Variants in VPS13C observed in about 807,000 individuals in gnomAD.
VPS13C encodes intermembrane lipid transfer protein VPS13C.
Under a neutral mutation model 456.8 loss-of-function variants are expected in VPS13C, and 358 were observed. That is an observed-to-expected ratio of 0.78 (90% CI 0.72 to 0.86). The LOEUF (loss-of-function observed/expected upper bound fraction) is 0.86, where lower values mean the gene tolerates loss of function less well. Among genes scored for constraint, VPS13C ranks in the 40% least tolerant of loss-of-function variants. The pLI, the probability that VPS13C is intolerant of heterozygous loss-of-function variation, is 0.00. For synonymous variants in VPS13C, 1,578 were observed against 1,486.7 expected (o/e 1.06, Z -1.41); for missense variants, 4,818 against 4,385.4 (o/e 1.10, Z -2.79).
intron 52 of VPS13C, 140 bp from the exon 53 acceptor site, chr15:61,925,688 A>G: frequency 2.1e-6 from 1 of 476,976 alleles, no homozygotes; most frequent in Non-Finnish European, 3.5e-6. Context: ...GCAAAAATAA[A>G]TTAGCTGAGA....
chr15:61,997,165 A>T (rs1195852612), intron 16 of VPS13C, among the ~76,000 whole-genome samples: 2 of 152,134 alleles, frequency 1.3e-5, no homozygotes, highest in Non-Finnish European at 2.9e-5. Context: ...TATCTTAGTT[A>T]AAAAATCAGG....
In VPS13C at chr15:61,939,451, T is replaced by C. The variant is rs541891582; in HGVS notation, c.5601+1196A>G. 2.6e-5 allele frequency among the ~76,000 whole-genome samples: 4 copies of C among 152,354 alleles called. No individual in the cohort carries two copies. The South Asian group carries it at 8.3e-4, about 32-fold the overall frequency. ...CTTCCCTAGTAAAACTCTGCTCCTT[T>C]GATCCTTCCTATTTCATGTTAGAAC... On this transcript the variant is annotated intron_variant, in intron 47 of 84. Transcript: ENST00000644861.
rs1367889743 is a variant in VPS13C, at chr15:61,936,551, T to G, written c.5755+46A>C. The G allele has an allele frequency of 2.0e-6, 3 of 1,486,576 alleles. No individual in the cohort carries two copies. In the Admixed American group the frequency reaches 7.0e-5, roughly 35 times the overall value. 92.1% of individuals were successfully genotyped at this position (1,486,576 alleles called of 1,614,324 possible). On this transcript the variant is annotated intron_variant, in intron 48 of 84. Coordinates refer to ENST00000644861, the MANE Select transcript of VPS13C (RefSeq NM_020821.3). ...AAAAATACTAAATATAAATATGACATTAACACCAATTTTTTCTCCATAAAG... is the reference window on the plus strand; with the variant it reads ...AAAAATACTAAATATAAATATGACAGTAACACCAATTTTTTCTCCATAAAG...
At chr15:61,913,943 T>C (rs1035709217) in intron 61 of VPS13C, among the ~76,000 whole-genome samples, 24 of 152,070 alleles carry the variant, frequency 1.6e-4, no homozygotes, top group African/African-American at 5.8e-4. Flanking sequence ...CAAGACTCAA[T>C]GGGATAAGAA....
chr15:61,931,405 G>C (rs1480429711), intron 49 of VPS13C, 146 bp from the exon 50 acceptor site: 3 of 761,038 alleles, frequency 3.9e-6, no homozygotes, highest in East Asian at 5.6e-5. Context: ...GAATGGAACA[G>C]AGAATAATAT....
intron 16 of VPS13C, among the ~76,000 whole-genome samples, chr15:61,996,160 G>T (rs1277575568): frequency 6.6e-6 from 1 of 152,172 alleles, no homozygotes; most frequent in African/African-American, 2.4e-5. Context: ...CTTCACATAT[G>T]TGAAACTAAC....
intron 59 of VPS13C, 53 bp downstream of exon 59, chr15:61,918,083 A>C: frequency 1.3e-6 from 2 of 1,510,018 alleles, no homozygotes; most frequent in African/African-American, 2.9e-5. Context: ...TTGCCAGAAT[A>C]TAAATCCCCA....
At chr15:61,890,503 C>T (rs1352121298) in intron 66 of VPS13C, 103 bp from the exon 67 acceptor site, 1 of 982,216 alleles carries the variant, frequency 1.0e-6, no homozygotes, top group Admixed American at 2.8e-5. Context: ...AGAAGCACTA[C>T]TATAAATTGA....
rs557609723 is a variant in VPS13C, at chr15:61,983,908, T to A, written c.1826A>T (p.Lys609Ile). The part of the protein sequence containing the change: ...SIGDTTSSLL[K>I]IKFETNPEDS... The stretch of plus-strand genomic sequence containing the variant: ...CTCCGGATTGGTTTCAAATTTAATT[T>A]TAAGCAAGGATGATGTAGTGTCACC... Residue 609 changes from lysine (K) to isoleucine (I), a missense_variant, in exon 20 of 85, where the codon AAA becomes ATA. Physicochemically the swap from Lys to Ile is moderately radical, Grantham distance 102 (BLOSUM62 -3). Transcript: ENST00000644861. 1.3e-4 allele frequency: 203 copies of A among 1,614,144 alleles called. 4 individuals are homozygous for A. In the South Asian group the frequency reaches 1.5e-3, roughly 12 times the overall value.
chr15:61,868,754 C>T lies in VPS13C; in HGVS notation c.10768G>A (p.Glu3590Lys). ...CGAGGGGGACGGAGGCTAGATACTT[C>T]CTCAGTTGATTCTGCTGCCCTGAAT... Reference protein sequence around the residue: ...GIQRAAESTEEVSSLRPPRLI... With the variant: ...GIQRAAESTEKVSSLRPPRLI... The change falls in exon 81 of 85, where the codon GAA becomes AAA. Residue 3590 changes from glutamate (E) to lysine (K), a missense_variant. This residue lies in a region of VPS13C where 261 missense variants were observed against 234.1 expected (regional missense o/e 1.11). Transcript: ENST00000644861. 1.9e-6 allele frequency: 3 copies of T among 1,613,884 alleles called. No individual in the cohort carries two copies. The highest frequency in any genetic ancestry group is 2.5e-6 in the Non-Finnish European group (3 of 1,179,962).
intron 51 of VPS13C, among the ~76,000 whole-genome samples, chr15:61,928,431 T>C (rs1010564945): frequency 6.6e-6 from 1 of 152,134 alleles, no homozygotes; most frequent in African/African-American, 2.4e-5. Flanking sequence ...ATATATTCAA[T>C]GCATATATAA....
chr15:62,046,944 TG>T (rs1438160945), intron 1 of VPS13C, among the ~76,000 whole-genome samples: 1 of 152,182 alleles, frequency 6.6e-6, no homozygotes, highest in Admixed American at 6.5e-5. Flanking sequence ...TTTTTATTGA[TG>T]TTTTTCAGTA....
chr15:61,989,263 G>C (rs2046151812), intron 18 of VPS13C, among the ~76,000 whole-genome samples: 1 of 151,792 alleles, frequency 6.6e-6, no homozygotes, highest in South Asian at 2.1e-4. Context: ...AGCTGGGCAT[G>C]GTGGCACATG....
chr15:61,939,003 C>A (rs1439312499), intron 47 of VPS13C, among the ~76,000 whole-genome samples: 3 of 152,068 alleles, frequency 2.0e-5, no homozygotes, highest in Non-Finnish European at 4.4e-5. Context: ...TTGCAACTCA[C>A]TTTTTTCATT....
chr15:62,050,740 T>G (rs2048589573), intron 1 of VPS13C, among the ~76,000 whole-genome samples: 5 of 149,760 alleles, frequency 3.3e-5, no homozygotes, highest in Admixed American at 2.7e-4. Context: ...GGGCAGAGGT[T>G]GCAGTGAGCC....
chr15:61,978,992 C>A (rs1011693434), intron 22 of VPS13C, among the ~76,000 whole-genome samples: 1 of 152,160 alleles, frequency 6.6e-6, no homozygotes, highest in Non-Finnish European at 1.5e-5. Context: ...TTTGAGCTGT[C>A]TGCCTCGAAT....
At chr15:61,993,477 A>G (rs2046287629) in intron 16 of VPS13C, among the ~76,000 whole-genome samples, 1 of 152,098 alleles carries the variant, frequency 6.6e-6, no homozygotes, top group South Asian at 2.1e-4. Context: ...CCAACATTCA[A>G]CTTCCTCCCA....
intron 61 of VPS13C, 106 bp from the exon 62 acceptor site, chr15:61,913,521 A>G (rs2043365703): frequency 1.1e-6 from 1 of 886,722 alleles, no homozygotes; most frequent in Non-Finnish European, 1.7e-6. Flanking sequence ...GTACCGTGGG[A>G]CACAGAAATA....
intron 78 of VPS13C, among the ~76,000 whole-genome samples, chr15:61,872,438 C>A (rs548698709): frequency 6.6e-6 from 1 of 151,964 alleles, no homozygotes; most frequent in South Asian, 2.1e-4. Context: ...TACATTGTAA[C>A]TTAGTGGAAG....
Sources: gnomAD v4.1 joint callset for allele counts (sites outside exome capture counted in the v4.1 genomes callset) on GRCh38, gnomAD v4.1.1 for gene constraint, gnomAD v4.1.1 regional missense constraint, MANE v1.5 for transcripts, NCBI Gene and HGNC (gene_info 2026-07-23, HGNC 2026-07-21) for gene names.